DST: variants seen among roughly 807,000 people sequenced by gnomAD.
DST encodes the protein dystonin, also known as bullous pemphigoid antigen.
Under a neutral mutation model 875.2 loss-of-function variants are expected in DST, and 253 were observed. That is an observed-to-expected ratio of 0.29 (90% confidence interval 0.26 to 0.32). The LOEUF (loss-of-function observed/expected upper bound fraction) is 0.32. DST is among the 10% of genes least tolerant of loss of function. The pLI, the probability that DST is intolerant of heterozygous loss-of-function variation, is 1.00. For synonymous variants in DST, 3,124 were observed against 3,197.1 expected (o/e 0.98, Z 0.77); for missense variants, 8,287 against 9,111.6 (o/e 0.91, Z 3.68).
intron 5 of DST, among the ~76,000 whole-genome samples, chr6:56,707,229 C>T (rs754081123): frequency 4.6e-5 from 7 of 152,072 alleles, no homozygotes; most frequent in South Asian, 2.1e-4. Context: ...CACCCAGTCC[C>T]GTTCTAAGGC....
At chr6:56,684,606 A>C (rs2099171418) in intron 9 of DST, among the ~76,000 whole-genome samples, 1 of 152,228 alleles carries the variant, frequency 6.6e-6, no homozygotes, top group African/African-American at 2.4e-5. Context: ...CAGGTCTCCT[A>C]CATTCTGGTA....
At chr6:56,590,298 G>A (rs1403599166) in intron 49 of DST, among the ~76,000 whole-genome samples, 1 of 151,412 alleles carries the variant, frequency 6.6e-6, no homozygotes, top group African/African-American at 2.4e-5. Context: ...ACATTCTTTG[G>A]GTTTTATTCT....
chr6:56,506,618 TTAAC>T (rs1393298924), intron 76 of DST, 45 bp downstream of exon 76: 2 of 1,609,902 alleles, frequency 1.2e-6, no homozygotes, highest in African/African-American at 2.7e-5. Flanking sequence ...AATATTTTAG[TTAAC>T]TAAAAACTTT....
chr6:56,606,196 CCAT>C lies in DST; in HGVS notation c.8429_8431del (p.Asp2810del), dbSNP rs1240759069. ...TATACCTCCTCCTTCTTCATCAATG[CCAT>C]CATCATCATCGTCATCCTGATCATT... On this transcript the variant is annotated inframe_deletion, in exon 40 of 104. Transcript: ENST00000680361. 1.9e-6 allele frequency: 3 copies of C among 1,581,546 alleles called. No individual in the cohort carries two copies. Among genetic ancestry groups the C allele is most frequent in the East Asian group, 2.3e-5 (1 of 43,604 alleles).
intron 44 of DST, 72 bp downstream of exon 44, chr6:56,601,371 T>C (rs957863073): frequency 3.1e-6 from 3 of 979,492 alleles, no homozygotes; most frequent in Non-Finnish European, 3.1e-6. Flanking sequence ...TGTCACACTA[T>C]ACTCCTTGGG....
intron 2 of DST, among the ~76,000 whole-genome samples, chr6:56,907,298 A>G (rs1219336445): frequency 6.6e-6 from 1 of 152,226 alleles, no homozygotes; most frequent in African/African-American, 2.4e-5. Flanking sequence ...ACAAACAAAA[A>G]TCTGTAACGC....
chr6:56,555,979 T>A, intron 59 of DST, 139 bp from the exon 60 acceptor site: 2 of 837,188 alleles, frequency 2.4e-6, no homozygotes, highest in Non-Finnish European at 3.5e-6. Context: ...ACTTTTTACT[T>A]AAAGGGCAGT....
intron 60 of DST, 99 bp from the exon 61 acceptor site, chr6:56,553,754 G>T: frequency 8.5e-7 from 1 of 1,175,006 alleles, no homozygotes; most frequent in Non-Finnish European, 1.2e-6. Flanking sequence ...ATATAGAATT[G>T]TTGAAAAGCA....
chr6:56,573,711 T>C lies in DST; in HGVS notation c.13204A>G (p.Thr4402Ala), dbSNP rs752533774. The change falls in exon 51 of 104, where the codon ACT becomes GCT. Residue 4402 changes from threonine (T) to alanine (A), a missense_variant. Around this residue, in one of 10 missense-constraint regions of DST, gnomAD observed 1,513 missense variants for 1,677.8 expected, o/e 0.90. Transcript: ENST00000680361. The stretch of plus-strand genomic sequence containing the variant: ...TTACTGATAATATCCTGAAGAGCAG[T>C]AGAGTTTAAAGGCACTTGACCTTGT... ...KEQGQVPLNS[T>A]ALQDIISKNI... The C allele has an allele frequency of 1.2e-6, 2 of 1,613,420 alleles. No homozygotes were observed. The highest frequency in any genetic ancestry group is 1.7e-6 in the Non-Finnish European group (2 of 1,179,558).
intron 39 of DST, 134 bp from the exon 40 acceptor site, chr6:56,609,478 T>C (rs2098526404): frequency 1.5e-6 from 1 of 659,502 alleles, no homozygotes; most frequent in African/African-American, 1.8e-5. Flanking sequence ...GGCGCAGCAA[T>C]GCTGTGAATG....
chr6:56,651,000 C>T lies in DST; in HGVS notation c.1360G>A (p.Val454Ile). Residue 454 changes from valine (V) to isoleucine (I), a missense_variant, in exon 12 of 104, where the codon GTA becomes ATA. Val to Ile is a conservative substitution (Grantham distance 29). Transcript: ENST00000680361. Reference sequence around the variant, plus strand: ...TAGAGAGATGACACGTAAGTTATTACTGATTTTTCATCAGGTGAGGAGACA... The same window carrying T: ...TAGAGAGATGACACGTAAGTTATTATTGATTTTTCATCAGGTGAGGAGACA... ...VDVSSPDEKSVITYVSSLYDA... is the reference protein window; with the variant it reads ...VDVSSPDEKSIITYVSSLYDA... 6.2e-7 allele frequency: 1 copy of T among 1,612,998 alleles called. No homozygotes were observed. The highest frequency in any genetic ancestry group is 8.5e-7 in the Non-Finnish European group (1 of 1,179,212).
At chr6:56,499,128 T>C (rs1380826327) in intron 80 of DST, among the ~76,000 whole-genome samples, 1 of 152,116 alleles carries the variant, frequency 6.6e-6, no homozygotes, top group Non-Finnish European at 1.5e-5. Flanking sequence ...CCCTCTAATG[T>C]TGGTAAAAGT....
At chr6:56,863,154 A>T (rs1208947969) in intron 3 of DST, 1 of 152,188 alleles carries the variant, frequency 6.6e-6, no homozygotes, top group Non-Finnish European at 1.5e-5. Flanking sequence ...CATGCAAGGG[A>T]CTGCTGAGAT....
chr6:56,522,725 G>C (rs1330737883), intron 69 of DST, among the ~76,000 whole-genome samples: 1 of 151,126 alleles, frequency 6.6e-6, no homozygotes, highest in Admixed American at 6.6e-5. Context: ...GGTTATTATG[G>C]GGCCCACTTA....
At chr6:56,471,723 A>G (rs555797981) in intron 94 of DST, 1 of 388,532 alleles carries the variant, frequency 2.6e-6, no homozygotes, top group African/African-American at 2.1e-5. Context: ...CACAATCAAA[A>G]GATCTGAAAT....
In DST at chr6:56,607,023, T is replaced by C. The variant is rs2152711762; in HGVS notation, c.7605A>G (p.Glu2535=). The C allele has an allele frequency of 2.5e-6, 4 of 1,613,520 alleles. No individual in the cohort carries two copies. Among genetic ancestry groups the C allele is most frequent in the Non-Finnish European group, 3.4e-6 (4 of 1,179,640 alleles). ...KYISNTSGED[E]KTHPGFQQMP... ...TCTGCTGAAAACCTGGATGTGTTTT[T>C]TCATCCTCACCAGAAGTATTTGAAA... Residue 2535 remains glutamate (E), a synonymous_variant, in exon 40 of 104, where the codon GAA becomes GAG. Transcript: ENST00000680361.
rs780603543 is a variant in DST, at chr6:56,636,630, G to C, written c.2987C>G (p.Thr996Arg). The change falls in exon 23 of 104, where the codon ACG (threonine) becomes AGG (arginine). Residue 996 changes from threonine to arginine, a missense_variant. By Grantham distance (71) the Thr-to-Arg change is moderately conservative (BLOSUM62 -1). Transcript: ENST00000680361. ...GAGCTGTAAGATCCAGCTCCACTGC[G>C]TCTGCATTGCCGCTCTGTAGGCCTT... ...TIEAYRAAMQTQWSWILQLCQ... is the reference protein window; with the variant it reads ...TIEAYRAAMQRQWSWILQLCQ... The C allele has an allele frequency of 1.2e-6, 2 of 1,613,546 alleles. No individual in the cohort carries two copies. Among genetic ancestry groups the C allele is most frequent in the Non-Finnish European group, 1.7e-6 (2 of 1,179,938 alleles).
intron 36 of DST, among the ~76,000 whole-genome samples, chr6:56,623,606 T>C (rs1396142473): frequency 1.3e-5 from 2 of 152,242 alleles, no homozygotes; most frequent in Non-Finnish European, 2.9e-5. Flanking sequence ...AATAGATGTT[T>C]ACTGCTGTTT....
At chr6:56,852,281 A>G (rs1164839488) in intron 3 of DST, among the ~76,000 whole-genome samples, 1 of 152,254 alleles carries the variant, frequency 6.6e-6, no homozygotes, top group Non-Finnish European at 1.5e-5. Flanking sequence ...CTATGGCAGC[A>G]CCAATAAACA....
Sources: allele counts gnomAD v4.1 joint callset (sites outside exome capture counted in the v4.1 genomes callset), GRCh38; gene constraint gnomAD v4.1.1; regional missense constraint gnomAD v4.1.1; transcripts MANE v1.5; gene names NCBI Gene and HGNC (gene_info 2026-07-23, HGNC 2026-07-21).